Variants in AGBL4 observed in about 807,000 individuals in gnomAD.
AGBL4 encodes cytosolic carboxypeptidase 6.
A neutral mutation model predicts 66.4 loss-of-function variants in AGBL4; 58 were observed. The observed-to-expected ratio is 0.87, with a 90% CI of 0.71 to 1.09. The LOEUF (loss-of-function observed/expected upper bound fraction) is 1.09, where lower values mean the gene tolerates loss of function less well. Ranked by LOEUF, AGBL4 falls within the 50% of genes least tolerant of loss-of-function variation. The pLI, the probability that AGBL4 is intolerant of heterozygous loss-of-function variation, is 0.00. For missense variants in AGBL4, 579 were observed against 631.0 expected (o/e 0.92, Z 0.88); for synonymous variants, 234 against 222.9 (o/e 1.05, Z -0.44).
At chr1:48,832,416 T>C (rs1295237509) in intron 6 of AGBL4, among the ~76,000 whole-genome samples, 1 of 152,204 alleles carries the variant, frequency 6.6e-6, no homozygotes. Flanking sequence ...ATGTTTTCTC[T>C]GCTCTAATGG....
chr1:49,658,212 C>T (rs942321576), intron 3 of AGBL4, among the ~76,000 whole-genome samples: 1 of 152,150 alleles, frequency 6.6e-6, no homozygotes, highest in Non-Finnish European at 1.5e-5. Flanking sequence ...TGAACAGACA[C>T]TTCTCAAAAG....
intron 1 of AGBL4, among the ~76,000 whole-genome samples, chr1:49,931,100 C>G (rs1351598554): frequency 6.6e-6 from 1 of 152,110 alleles, no homozygotes; most frequent in Non-Finnish European, 1.5e-5. Flanking sequence ...AAGTTTATTT[C>G]TACATATCCG....
chr1:49,290,741 T>TA (rs1479189408), intron 3 of AGBL4, among the ~76,000 whole-genome samples: 1 of 152,192 alleles, frequency 6.6e-6, no homozygotes, highest in Non-Finnish European at 1.5e-5. Flanking sequence ...TAGATGCCTG[T>TA]AATTCCAGCA....
intron 3 of AGBL4, among the ~76,000 whole-genome samples, chr1:49,549,063 C>T (rs1652741077): frequency 6.6e-6 from 1 of 151,342 alleles, no homozygotes; most frequent in African/African-American, 2.4e-5. Flanking sequence ...TGCGCATAAA[C>T]TAGGTTTCCT....
chr1:49,241,633 G>A (rs1651245379), intron 4 of AGBL4, among the ~76,000 whole-genome samples: 2 of 151,936 alleles, frequency 1.3e-5, no homozygotes, highest in South Asian at 4.1e-4. Flanking sequence ...TCACTGTTAT[G>A]TTTTAATGCC....
At chr1:49,149,562 G>A (rs936195414) in intron 4 of AGBL4, among the ~76,000 whole-genome samples, 5 of 152,138 alleles carry the variant, frequency 3.3e-5, no homozygotes, top group Non-Finnish European at 5.9e-5. Flanking sequence ...GTTAATCTAC[G>A]TTTATGCTAT....
intron 3 of AGBL4, among the ~76,000 whole-genome samples, chr1:49,339,333 G>C (rs956250844): frequency 6.6e-6 from 1 of 152,150 alleles, no homozygotes; most frequent in Non-Finnish European, 1.5e-5. Context: ...GTTACTTTAC[G>C]TTATTCCAAT....
intron 2 of AGBL4, among the ~76,000 whole-genome samples, chr1:49,795,629 G>A (rs1453252130): frequency 1.3e-5 from 2 of 151,350 alleles, no homozygotes; most frequent in African/African-American, 2.4e-5. Flanking sequence ...CACAGACCGT[G>A]TGTGTGTGTG....
chr1:48,814,213 A>G (rs1450786650), intron 6 of AGBL4, among the ~76,000 whole-genome samples: 1 of 152,096 alleles, frequency 6.6e-6, no homozygotes, highest in Non-Finnish European at 1.5e-5. Context: ...CTTGATCTTC[A>G]GCCAAGAGTT....
chr1:49,107,807 T>G (rs774260166), intron 4 of AGBL4, among the ~76,000 whole-genome samples: 9 of 150,264 alleles, frequency 6.0e-5, no homozygotes, highest in African/African-American at 2.2e-4. Flanking sequence ...ATATGCAGGA[T>G]AGGGGGATGA....
At chr1:49,765,135 C>A (rs1652640324) in intron 2 of AGBL4, among the ~76,000 whole-genome samples, 1 of 152,142 alleles carries the variant, frequency 6.6e-6, no homozygotes, top group African/African-American at 2.4e-5. Context: ...TCCCTCCACC[C>A]CCCATGGAAC....
chr1:48,854,201 G>A (rs1368807805), intron 6 of AGBL4, among the ~76,000 whole-genome samples: 1 of 152,144 alleles, frequency 6.6e-6, no homozygotes, highest in African/African-American at 2.4e-5. Flanking sequence ...AATCAAGATA[G>A]GAACCCAGGT....
At chr1:48,989,217 T>G (rs1375065799) in intron 5 of AGBL4, among the ~76,000 whole-genome samples, 1 of 152,152 alleles carries the variant, frequency 6.6e-6, no homozygotes, top group African/African-American at 2.4e-5. Flanking sequence ...ATTCTTTTCT[T>G]TTAATTTAAA....
chr1:49,735,310 T>TGG (rs966936859), intron 2 of AGBL4, among the ~76,000 whole-genome samples: 2 of 150,648 alleles, frequency 1.3e-5, no homozygotes, highest in African/African-American at 4.9e-5. Context: ...TGTGTGTGTG[T>TGG]GTGTGTGTGT....
intron 9 of AGBL4, among the ~76,000 whole-genome samples, chr1:48,594,110 G>A (rs1188340951): frequency 6.6e-6 from 1 of 152,176 alleles, no homozygotes; most frequent in African/African-American, 2.4e-5. Flanking sequence ...TGGATCACCT[G>A]AGGTAAGGAG....
intron 3 of AGBL4, among the ~76,000 whole-genome samples, chr1:49,429,666 T>A (rs1645741374): frequency 1.3e-5 from 2 of 152,170 alleles, no homozygotes; most frequent in East Asian, 3.9e-4. Context: ...AATAAGAACC[T>A]TATCTTATCA....
chr1:48,886,822 A>G (rs1650404856), intron 5 of AGBL4, among the ~76,000 whole-genome samples: 1 of 152,206 alleles, frequency 6.6e-6, no homozygotes. Flanking sequence ...AAGTGCTGGC[A>G]TTACAGGTGT....
intron 1 of AGBL4, among the ~76,000 whole-genome samples, chr1:50,002,401 G>A (rs544080873): frequency 7.9e-4 from 94 of 119,598 alleles, no homozygotes; most frequent in Non-Finnish European, 1.1e-3. Context: ...ACGGAGTCTC[G>A]CTCTGTCGCC....
intron 3 of AGBL4, among the ~76,000 whole-genome samples, chr1:49,476,727 C>A (rs1014144215): frequency 6.6e-6 from 1 of 151,940 alleles, no homozygotes; most frequent in Admixed American, 6.6e-5. Flanking sequence ...GAATAGTGAT[C>A]TCTGCTATTT....
Sources: gnomAD v4.1 joint callset for allele counts (sites outside exome capture counted in the v4.1 genomes callset) on GRCh38, gnomAD v4.1.1 for gene constraint, MANE v1.5 for transcripts, NCBI Gene and HGNC (gene_info 2026-07-23, HGNC 2026-07-21) for gene names.